PEX7: variants seen among roughly 807,000 people sequenced by gnomAD.
PEX7 encodes PTS2 receptor.
Under a neutral mutation model 47.5 loss-of-function variants are expected in PEX7, and 34 were observed. That is an observed-to-expected ratio of 0.72 (90% CI 0.54 to 0.95). The LOEUF (loss-of-function observed/expected upper bound fraction) is 0.95. Among genes scored for constraint, PEX7 ranks in the 40% least tolerant of loss-of-function variants. PEX7 has a pLI of 0.00. For missense variants in PEX7, 394 were observed against 400.3 expected (o/e 0.98, Z 0.13); for synonymous variants, 141 against 148.8 (o/e 0.95, Z 0.38).
At position 136,877,828 on chromosome 6, in the gene PEX7, T is replaced by A. The variant is rs562845845; in HGVS notation, c.803+5575T>A. Among the ~76,000 whole-genome samples, 13 of 152,318 alleles carry A rather than the reference T, an allele frequency of 8.5e-5. No individual in the cohort carries two copies. In the East Asian group the frequency reaches 2.5e-3, roughly 29 times the overall value. On this transcript the variant is annotated intron_variant, in intron 8 of 9. Transcript: ENST00000318471. ...TATGAAATTTAAAGTAGTTTTTTTC[T>A]AATTCTGTTAAGAAAGTCAATGGTA...
chr6:136,868,564 C>G (rs1211509869), intron 6 of PEX7, among the ~76,000 whole-genome samples: 1 of 151,844 alleles, frequency 6.6e-6, no homozygotes, highest in Non-Finnish European at 1.5e-5. Context: ...TTTGGGAACT[C>G]TAAAGAAAGA....
intron 5 of PEX7, 22 bp from the exon 6 acceptor site, chr6:136,866,605 A>G (rs778298760): frequency 4.5e-5 from 71 of 1,593,020 alleles, no homozygotes; most frequent in Non-Finnish European, 2.5e-5. Flanking sequence ...ATGGGAAATG[A>G]TCAAGTCTTC....
chr6:136,858,288 G>C (rs1010060787), intron 5 of PEX7, among the ~76,000 whole-genome samples: 3 of 152,196 alleles, frequency 2.0e-5, no homozygotes, highest in Non-Finnish European at 4.4e-5. Flanking sequence ...GCAAAAGTTG[G>C]AACATGGAGA....
rs145474810 is a variant in PEX7 at position 136,831,934 on chromosome 6, G to A, written c.339+5465G>A. Reference sequence around the variant, plus strand: ...TGGCTTTTCCAGCTGTACAATACAAGCTGTCAGTGAATCTACCTTTCTGGG... The same window carrying A: ...TGGCTTTTCCAGCTGTACAATACAAACTGTCAGTGAATCTACCTTTCTGGG... On this transcript the variant is annotated intron_variant, in intron 3 of 9. Transcript: ENST00000318471. Among the ~76,000 whole-genome samples, 738 of 152,340 alleles carry A rather than the reference G, an allele frequency of 4.8e-3. 3 individuals carry two copies. The highest frequency in any genetic ancestry group is 0.017 in the African/African-American group (704 of 41,582).
At chr6:136,863,948 G>A (rs981608970) in intron 5 of PEX7, among the ~76,000 whole-genome samples, 7 of 152,190 alleles carry the variant, frequency 4.6e-5, no homozygotes, top group East Asian at 1.9e-4. Context: ...GGCATTTGTC[G>A]TCCAGCAACA....
At chr6:136,835,316 T>C (rs1774366438) in intron 3 of PEX7, among the ~76,000 whole-genome samples, 1 of 151,314 alleles carries the variant, frequency 6.6e-6, no homozygotes, top group South Asian at 2.1e-4. Context: ...TGAGACAAAG[T>C]CTTCCTGTCT....
chr6:136,845,704 T>C lies in PEX7; in HGVS notation c.417+12T>C. ...AAACTGTCAAATTGGTATGTTAGCA[T>C]TATTGTATTCAAAAACGAATATTCC... On this transcript the variant is annotated intron_variant, in intron 4 of 9. Transcript: ENST00000318471. 6.5e-7 allele frequency: 1 copy of C among 1,535,034 alleles called. No homozygotes were observed. Among genetic ancestry groups the C allele is most frequent in the Non-Finnish European group, 9.0e-7 (1 of 1,107,766 alleles).
At chr6:136,890,238 T>C (rs1466745874) in intron 8 of PEX7, among the ~76,000 whole-genome samples, 1 of 152,218 alleles carries the variant, frequency 6.6e-6, no homozygotes, top group Non-Finnish European at 1.5e-5. Flanking sequence ...CCCTTATCTT[T>C]CTCCAGTATA....
chr6:136,823,771 TC>T (rs1774132653), intron 1 of PEX7, among the ~76,000 whole-genome samples: 1 of 151,972 alleles, frequency 6.6e-6, no homozygotes, highest in Non-Finnish European at 1.5e-5. Flanking sequence ...ATGCCTGTAA[TC>T]CCAGCTACTC....
chr6:136,887,560 C>A (rs1775486806), intron 8 of PEX7, among the ~76,000 whole-genome samples: 1 of 152,088 alleles, frequency 6.6e-6, no homozygotes, highest in African/African-American at 2.4e-5. Context: ...ATGATGTCTG[C>A]AGTTTATTTT....
At chr6:136,854,806 GC>G (rs1409946610) in intron 5 of PEX7, among the ~76,000 whole-genome samples, 3 of 152,148 alleles carry the variant, frequency 2.0e-5, no homozygotes, top group Admixed American at 6.5e-5. Context: ...ATGAACTGAG[GC>G]CAGGCATGGT....
intron 8 of PEX7, among the ~76,000 whole-genome samples, chr6:136,874,692 T>G (rs528617862): frequency 6.6e-6 from 1 of 150,926 alleles, no homozygotes; most frequent in East Asian, 2.0e-4. Context: ...AAAAAAAGTC[T>G]ATAAAGGAAT....
At chr6:136,830,527 C>T (rs527844534) in intron 3 of PEX7, among the ~76,000 whole-genome samples, 3 of 152,178 alleles carry the variant, frequency 2.0e-5, no homozygotes, top group Non-Finnish European at 4.4e-5. Flanking sequence ...TCAAATTCTT[C>T]TGTCTATTGT....
intron 8 of PEX7, among the ~76,000 whole-genome samples, chr6:136,891,612 T>C (rs984584534): frequency 6.6e-6 from 1 of 151,770 alleles, no homozygotes; most frequent in Non-Finnish European, 1.5e-5. Flanking sequence ...TATTTTTGAG[T>C]GAATGAATAG....
intron 3 of PEX7, among the ~76,000 whole-genome samples, chr6:136,827,538 G>A (rs1582733664): frequency 6.8e-6 from 1 of 146,722 alleles, no homozygotes; most frequent in African/African-American, 2.5e-5. Flanking sequence ...GTGTGTGTGT[G>A]TGTGTGTGTG....
chr6:136,891,122 T>C (rs1775545476), intron 8 of PEX7, among the ~76,000 whole-genome samples: 2 of 152,226 alleles, frequency 1.3e-5, no homozygotes, highest in Non-Finnish European at 2.9e-5. Context: ...CAGAAAGTCA[T>C]CCAGCATCCC....
intron 6 of PEX7, among the ~76,000 whole-genome samples, chr6:136,869,027 G>T (rs1467618550): frequency 6.6e-6 from 1 of 152,070 alleles, no homozygotes; most frequent in Non-Finnish European, 1.5e-5. Context: ...TTTCAGATGT[G>T]CCTAAATGAA....
At chr6:136,835,875 A>G (rs59909220) in intron 3 of PEX7, among the ~76,000 whole-genome samples, 1 of 152,216 alleles carries the variant, frequency 6.6e-6, no homozygotes, top group Non-Finnish European at 1.5e-5. Context: ...AAAGTTTCTA[A>G]AATTTTTTAA....
intron 8 of PEX7, among the ~76,000 whole-genome samples, chr6:136,896,582 C>G (rs1434117574): frequency 6.6e-6 from 1 of 152,076 alleles, no homozygotes; most frequent in East Asian, 1.9e-4. Flanking sequence ...CCTTTGGCTG[C>G]TAGAAAGCTT....
Sources: allele counts gnomAD v4.1 joint callset (sites outside exome capture counted in the v4.1 genomes callset), GRCh38; gene constraint gnomAD v4.1.1; transcripts MANE v1.5; gene names NCBI Gene and HGNC (gene_info 2026-07-23, HGNC 2026-07-21).